The following CYP2C19 variants were observed in gnomAD, a reference collection of about 807,000 sequenced individuals.
CYP2C19 encodes cytochrome P450 family 2 subfamily C member 19.
A neutral mutation model predicts 40.9 loss-of-function variants in CYP2C19; 59 were observed. The ratio of observed to expected loss-of-function variants is 1.44; its 90% CI spans 1.17 to 1.79. The LOEUF (loss-of-function observed/expected upper bound fraction) is 1.79, where lower values mean the gene tolerates loss of function less well. CYP2C19 is among the 40% of genes most tolerant of loss of function. The pLI is 0.00. For synonymous variants in CYP2C19, 253 were observed against 208.7 expected (o/e 1.21, Z -1.83); for missense variants, 754 against 596.9 (o/e 1.26, Z -2.74).
intron 6 of CYP2C19, among the ~76,000 whole-genome samples, chr10:94,834,196 A>G (rs975233794): frequency 4.6e-5 from 7 of 152,078 alleles, no homozygotes; most frequent in Non-Finnish European, 8.8e-5. Flanking sequence ...TTGCATGTTC[A>G]GGTTTTGGAT....
intron 5 of CYP2C19, among the ~76,000 whole-genome samples, chr10:94,801,387 A>T (rs1374231113): frequency 6.6e-6 from 1 of 152,188 alleles, no homozygotes; most frequent in Admixed American, 6.5e-5. Flanking sequence ...TTCAGTTACC[A>T]TGTCATCATG....
chr10:94,846,537 CA>C (rs1849575067), intron 7 of CYP2C19, among the ~76,000 whole-genome samples: 1 of 152,074 alleles, frequency 6.6e-6, no homozygotes, highest in East Asian at 1.9e-4. Flanking sequence ...ACCCTGTTTC[CA>C]AAGTCACACA....
chr10:94,777,110 C>T (rs1349260787), intron 3 of CYP2C19, among the ~76,000 whole-genome samples: 1 of 152,094 alleles, frequency 6.6e-6, no homozygotes, highest in African/African-American at 2.4e-5. Flanking sequence ...TGAAAGACCT[C>T]TTCAAGGAGA....
chr10:94,791,817 T>A (rs1322161364), intron 5 of CYP2C19, among the ~76,000 whole-genome samples: 2 of 152,138 alleles, frequency 1.3e-5, no homozygotes, highest in African/African-American at 4.8e-5. Flanking sequence ...AAGTGCAATG[T>A]GGTGCTGAGA....
At chr10:94,766,291 AG>A (rs1429990506) in intron 1 of CYP2C19, among the ~76,000 whole-genome samples, 1 of 114,282 alleles carries the variant, frequency 8.8e-6, no homozygotes, top group Non-Finnish European at 1.8e-5. Context: ...AGCTAGTGGA[AG>A]GGGAGGGGTG....
At chr10:94,812,099 G>C (rs756307159) in intron 5 of CYP2C19, among the ~76,000 whole-genome samples, 1 of 152,156 alleles carries the variant, frequency 6.6e-6, no homozygotes, top group Non-Finnish European at 1.5e-5. Flanking sequence ...GCATTTGCTT[G>C]TCTGTAAAGG....
chr10:94,775,614 AG>A (rs1416850527), intron 3 of CYP2C19, 75 bp downstream of exon 3: 2 of 1,610,114 alleles, frequency 1.2e-6, no homozygotes, highest in African/African-American at 1.3e-5. Context: ...GAAACATTTC[AG>A]GGGTGGCCAG....
intron 5 of CYP2C19, among the ~76,000 whole-genome samples, chr10:94,803,383 T>G (rs924220866): frequency 6.6e-6 from 1 of 152,192 alleles, no homozygotes; most frequent in East Asian, 1.9e-4. Context: ...GACATACATG[T>G]CAGTAGATGG....
chr10:94,767,635 GA>G (rs373863451), intron 1 of CYP2C19, among the ~76,000 whole-genome samples: 205 of 152,284 alleles, frequency 1.3e-3, no homozygotes, highest in African/African-American at 4.2e-3. Flanking sequence ...CAGAGGCTTT[GA>G]CTACCTGTCG....
Position 94,793,212 on chromosome 10 carries a change from TTTA to T in CYP2C19, c.819+11216_819+11218del, listed in dbSNP as rs548943525. Among the ~76,000 whole-genome samples the T allele has an allele frequency of 2.2e-4, 33 of 152,288 alleles. 1 individual carries two copies. The South Asian group carries it at 6.4e-3, about 30-fold the overall frequency. On this transcript the variant is annotated intron_variant, in intron 5 of 8. Transcript: ENST00000371321. ...CATGGTTTTCAGTTCCATCAGGTCA[TTTA>T]AGGTCTTCCCTATGCTGTTTATTCT...
At chr10:94,824,884 C>T (rs1032944391) in intron 6 of CYP2C19, among the ~76,000 whole-genome samples, 1 of 147,856 alleles carries the variant, frequency 6.8e-6, no homozygotes, top group African/African-American at 2.5e-5. Flanking sequence ...TCAATTCCCA[C>T]CTATGAGTGA....
chr10:94,816,443 A>T (rs937803493), intron 5 of CYP2C19, among the ~76,000 whole-genome samples: 1 of 152,164 alleles, frequency 6.6e-6, no homozygotes, highest in African/African-American at 2.4e-5. Flanking sequence ...AAGTGGTAAC[A>T]GATTAACAAA....
intron 6 of CYP2C19, among the ~76,000 whole-genome samples, chr10:94,831,071 G>A (rs1173844658): frequency 6.6e-6 from 1 of 151,996 alleles, no homozygotes; most frequent in Non-Finnish European, 1.5e-5. Flanking sequence ...TACACTTTAT[G>A]TCCATTAGTT....
Position 94,781,750 on chromosome 10 carries a change from C to T in CYP2C19, c.643-71C>T, listed in dbSNP as rs1279394542. On this transcript the variant is annotated intron_variant, in intron 4 of 8. Coordinates refer to ENST00000371321, the MANE Select transcript of CYP2C19 (RefSeq NM_000769.4). ...TATATTTATAGTTTTAAATTACAAC[C>T]AGAGCTTGGCATATTGTATCTATAC... 5 of 698,434 alleles carry T rather than the reference C, an allele frequency of 7.2e-6. No homozygotes were observed. The African/African-American group carries it at 9.4e-5, about 13-fold the overall frequency. 43.3% of individuals were successfully genotyped at this position (698,434 alleles called of 1,614,324 possible).
At chr10:94,779,499 A>G (rs183389438) in intron 3 of CYP2C19, among the ~76,000 whole-genome samples, 11 of 152,120 alleles carry the variant, frequency 7.2e-5, no homozygotes, top group Non-Finnish European at 1.2e-4. Context: ...ATTCATTTTT[A>G]AAAAACTAAA....
At chr10:94,809,924 C>G (rs972983729) in intron 5 of CYP2C19, among the ~76,000 whole-genome samples, 1 of 152,196 alleles carries the variant, frequency 6.6e-6, no homozygotes, top group South Asian at 2.1e-4. Flanking sequence ...CCCTGTCACC[C>G]AGGCTGGAGT....
intron 5 of CYP2C19, among the ~76,000 whole-genome samples, chr10:94,796,858 C>G (rs189542325): frequency 6.6e-6 from 1 of 152,154 alleles, no homozygotes. Context: ...TGAGACTTTA[C>G]TGAAGTTGCT....
At chr10:94,807,376 G>GAT (rs1397057715) in intron 5 of CYP2C19, among the ~76,000 whole-genome samples, 1 of 152,044 alleles carries the variant, frequency 6.6e-6, no homozygotes, top group Non-Finnish European at 1.5e-5. Context: ...CTATCTCCTT[G>GAT]ATATAACAGT....
chr10:94,797,556 A>G (rs890687296), intron 5 of CYP2C19, among the ~76,000 whole-genome samples: 2 of 152,096 alleles, frequency 1.3e-5, no homozygotes, highest in African/African-American at 2.4e-5. Flanking sequence ...ATAATTTCAG[A>G]AGGAGTGTAC....
Sources: gnomAD v4.1 joint callset for allele counts (sites outside exome capture counted in the v4.1 genomes callset) on GRCh38, gnomAD v4.1.1 for gene constraint, MANE v1.5 for transcripts, NCBI Gene and HGNC (gene_info 2026-07-23, HGNC 2026-07-21) for gene names.